The following ZBTB25 variants were observed in gnomAD, a reference collection of about 807,000 sequenced individuals.
ZBTB25 encodes zinc finger and BTB domain-containing protein 25.
A neutral mutation model predicts 34.2 loss-of-function variants in ZBTB25; 20 were observed. The observed-to-expected ratio is 0.58, with a 90% CI of 0.41 to 0.85. ZBTB25 has a LOEUF of 0.85. ZBTB25 is among the 40% of genes least tolerant of loss of function. ZBTB25 has a pLI of 0.00. For missense variants in ZBTB25, 437 were observed against 521.8 expected (o/e 0.84, Z 1.58); for synonymous variants, 175 against 186.4 (o/e 0.94, Z 0.50).
rs1028429137 is a variant in ZBTB25 at position 64,486,362 on chromosome 14, T to C, written c.*561A>G. ...AAAGAGAAGCCATGTAGGTAAGATG[T>C]TGTGGAGCTAGTAGTTAAAAAATAA... On this transcript the variant is annotated 3_prime_UTR_variant, in exon 3 of 3. Coordinates refer to ENST00000608382, the MANE Select transcript of ZBTB25 (RefSeq NM_006977.5). 2 of 985,212 alleles carry C rather than the reference T, an allele frequency of 2.0e-6. No individual in the cohort carries two copies. The highest frequency in any genetic ancestry group is 3.5e-5 in the African/African-American group (2 of 57,202). 61.0% of individuals were successfully genotyped at this position (985,212 alleles called of 1,614,324 possible). A position where few individuals can be genotyped will look rare whatever the true frequency, so the allele number is the denominator to read the frequency against.
chr14:64,471,560 TA>T (rs942958522), intron 2 of ZBTB25: 6 of 167,110 alleles, frequency 3.6e-5, no homozygotes, highest in African/African-American at 1.2e-4. Context: ...ATGATTGCCA[TA>T]TTTTTTGAAA....
chr14:64,490,300 A>G (rs980211196), intron 2 of ZBTB25, 61 bp downstream of exon 2: 1 of 1,301,502 alleles, frequency 7.7e-7, no homozygotes, highest in African/African-American at 1.5e-5. Flanking sequence ...AAATGATACT[A>G]TAATAAAGCT....
At position 64,489,298 on chromosome 14, in the gene ZBTB25, AAC is replaced by A. The variant is rs766849982; in HGVS notation, c.173+1061_173+1062del. On this transcript the variant is annotated intron_variant, in intron 2 of 2. Transcript: ENST00000608382. Reference sequence around the variant, plus strand: ...AAAAATAAAAATAAAAAATAAAAAAAACAAAAGTGTTATATGAAACAAAAATT... The same window carrying A: ...AAAAATAAAAATAAAAAATAAAAAAAAAAAGTGTTATATGAAACAAAAATT... Among the ~76,000 whole-genome samples, 381 of 141,954 alleles carry A rather than the reference AAC, an allele frequency of 2.7e-3. 3 individuals carry two copies. Among genetic ancestry groups the A allele is most frequent in the Non-Finnish European group, 5.2e-3 (321 of 61,758 alleles). The allele number at this position is 141,954 out of a possible 152,430, so 93.1% of individuals were successfully genotyped here. A position where few individuals can be genotyped will look rare whatever the true frequency, so the allele number is the denominator to read the frequency against.
At chr14:64,477,356 G>A (rs540218581), downstream of ZBTB25, among the ~76,000 whole-genome samples, 3 of 152,300 alleles carry the variant, frequency 2.0e-5, no homozygotes, top group African/African-American at 7.2e-5. Context: ...AAACTGGTAT[G>A]TTAATAGTGA....
intron 1 of ZBTB25, among the ~76,000 whole-genome samples, chr14:64,500,410 T>TA (rs973183516): frequency 1.8e-4 from 8 of 45,642 alleles, no homozygotes; most frequent in Non-Finnish European, 2.9e-4. Context: ...TAGAAAAATA[T>TA]AAAAAATAAC....
downstream of ZBTB25, among the ~76,000 whole-genome samples, chr14:64,474,974 G>A (rs533105554): frequency 1.3e-5 from 2 of 152,130 alleles, no homozygotes; most frequent in Admixed American, 6.6e-5. Context: ...ACCACAGCCC[G>A]ATGATAACAA....
chr14:64,487,225 C>A lies in ZBTB25; in HGVS notation c.1006G>T (p.Glu336Ter), dbSNP rs1382746863. Residue 336 changes from glutamate (E) to a stop codon, truncating the protein, a stop_gained, in exon 3 of 3, where the codon GAA becomes TAA. Coordinates refer to ENST00000608382, the MANE Select transcript of ZBTB25 (RefSeq NM_006977.5). LOFTEE classifies it high-confidence loss of function. ...SLISKDTEPV[E>*]LNCNFSFSRK... ...GAAAAAGAAAAATTACAGTTTAATTCTACTGGCTCTGTGTCTTTGGAGATC... is the reference window on the plus strand; with the variant it reads ...GAAAAAGAAAAATTACAGTTTAATTATACTGGCTCTGTGTCTTTGGAGATC... 7 of 1,614,000 alleles carry A rather than the reference C, an allele frequency of 4.3e-6. No homozygotes were observed. The highest frequency in any genetic ancestry group is 2.7e-5 in the African/African-American group (2 of 74,910).
At position 64,487,733 on chromosome 14, in the gene ZBTB25, G is replaced by C; in HGVS notation, c.498C>G (p.Pro166=). ...CAATAGCAAGAGACAACTGCAACTG[G>C]GGGTGGTCACCCTGGACAGCAGCTC... is the stretch of plus-strand genomic sequence containing the variant. ...GNRAAVQGDH[P]QLQLSLAIGL... Residue 166 remains proline, a synonymous_variant, in exon 3 of 3, where the codon CCC becomes CCG. Transcript: ENST00000608382. The C allele has an allele frequency of 6.2e-7, 1 of 1,614,046 alleles. No homozygotes were observed. The highest frequency in any genetic ancestry group is 2.2e-5 in the East Asian group (1 of 44,874).
intron 2 of ZBTB25, chr14:64,463,227 AACACACACACACACAC>A (rs60057039): frequency 6.9e-6 from 1 of 144,098 alleles, no homozygotes; most frequent in Admixed American, 7.0e-5. Flanking sequence ...GGATACATTA[AACACACACACACACAC>A]ACACACACAC....
Position 64,486,127 on chromosome 14 carries a change from G to A in ZBTB25, c.*796C>T, listed in dbSNP as rs2078856008. ...ATCCTGGCTAACACGGTGAAACCCC[G>A]TCTCTACTAAAAAAATACAAAAAAA... On this transcript the variant is annotated 3_prime_UTR_variant, in exon 3 of 3. Transcript: ENST00000608382. 8.7e-6 allele frequency: 6 copies of A among 693,252 alleles called. No individual in the cohort carries two copies. Among genetic ancestry groups the A allele is most frequent in the South Asian group, 1.3e-4 (2 of 15,394 alleles). 42.9% of individuals were successfully genotyped at this position (693,252 alleles called of 1,614,324 possible). A position where few individuals can be genotyped will look rare whatever the true frequency, so the allele number is the denominator to read the frequency against.
chr14:64,460,175 C>T, intron 2 of ZBTB25: 1 of 431,252 alleles, frequency 2.3e-6, no homozygotes, highest in Non-Finnish European at 4.1e-6. Context: ...TTGTGTATTT[C>T]TGAGAGGACA....
intron 2 of ZBTB25, among the ~76,000 whole-genome samples, chr14:64,464,257 T>C (rs1177717044): frequency 6.9e-6 from 1 of 145,058 alleles, no homozygotes; most frequent in Non-Finnish European, 1.6e-5. Flanking sequence ...TCTCAAACTC[T>C]TGGACTCAAG....
intron 2 of ZBTB25, chr14:64,454,658 C>T: frequency 2.3e-6 from 3 of 1,324,592 alleles, no homozygotes; most frequent in Non-Finnish European, 3.3e-6. Context: ...ATCACAGGGC[C>T]CAGATGGTCA....
At chr14:64,460,042 C>A in intron 2 of ZBTB25, 1 of 922,464 alleles carries the variant, frequency 1.1e-6, no homozygotes, top group Non-Finnish European at 1.6e-6. Flanking sequence ...CCTTAACAGA[C>A]TGTGCCACAG....
In ZBTB25 at chr14:64,478,585, T is replaced by C. The variant is rs977311947; in HGVS notation, c.*8338A>G. 6.6e-6 allele frequency: 1 copy of C among 152,210 alleles called. No homozygotes were observed. The highest frequency in any genetic ancestry group is 2.4e-5 in the African/African-American group (1 of 41,470). 9.4% of individuals were successfully genotyped at this position (152,210 alleles called of 1,614,324 possible). ...GAGCCCAAATTCCAAGGCCTCACAG[T>C]TAATGGCTTGGAAAAATCTTCAGAA... On this transcript the variant is annotated 3_prime_UTR_variant, in exon 3 of 3. Transcript: ENST00000608382.
Position 64,479,862 on chromosome 14 carries a change from A to G in ZBTB25, c.*7061T>C, listed in dbSNP as rs542739770. Reference sequence around the variant, plus strand: ...ATCTTGGGACTTCTCAGCCTCCATAATTACATGAACCTATTCCTTATAATC... The same window carrying G: ...ATCTTGGGACTTCTCAGCCTCCATAGTTACATGAACCTATTCCTTATAATC... On this transcript the variant is annotated 3_prime_UTR_variant, in exon 3 of 3. Transcript: ENST00000608382. 5.4e-4 allele frequency: 83 copies of G among 152,900 alleles called. No individual in the cohort carries two copies. The highest frequency in any genetic ancestry group is 1.9e-3 in the African/African-American group (81 of 41,550). 9.5% of individuals were successfully genotyped at this position (152,900 alleles called of 1,614,324 possible).
In ZBTB25 at chr14:64,481,456, C is replaced by T. The variant is rs74058143; in HGVS notation, c.*5467G>A. The T allele has an allele frequency of 6.6e-6, 1 of 152,216 alleles. No individual in the cohort carries two copies. The highest frequency in any genetic ancestry group is 1.5e-5 in the Non-Finnish European group (1 of 68,034). 9.4% of individuals were successfully genotyped at this position (152,216 alleles called of 1,614,324 possible). On this transcript the variant is annotated 3_prime_UTR_variant, in exon 3 of 3. Coordinates refer to ENST00000608382, the MANE Select transcript of ZBTB25 (RefSeq NM_006977.5). Reference sequence around the variant, plus strand: ...GGTCTCCTGTATTAGCTATGTGTTACATGTACTTTGAAGATTTTTCAGTGG... The same window carrying T: ...GGTCTCCTGTATTAGCTATGTGTTATATGTACTTTGAAGATTTTTCAGTGG...
intron 1 of ZBTB25, chr14:64,503,033 G>GTAC: frequency 1.0e-6 from 1 of 985,428 alleles, no homozygotes; most frequent in South Asian, 4.7e-5. Context: ...CAGGTTCCAG[G>GTAC]TACTACGTTG....
intron 2 of ZBTB25, chr14:64,468,488 G>A: frequency 6.2e-7 from 1 of 1,614,070 alleles, no homozygotes; most frequent in African/African-American, 1.3e-5. Context: ...GAAGGAAAAG[G>A]CATCCATGCT....
Sources: gnomAD v4.1 joint callset for allele counts (sites outside exome capture counted in the v4.1 genomes callset) on GRCh38, gnomAD v4.1.1 for gene constraint, MANE v1.5 for transcripts, NCBI Gene and HGNC (gene_info 2026-07-23, HGNC 2026-07-21) for gene names.